The following PLD1 variants were observed in gnomAD, a reference collection of about 807,000 sequenced individuals.
The protein encoded by PLD1 is phospholipase D1.
A neutral mutation model predicts 137.1 loss-of-function variants in PLD1; 112 were observed. The observed-to-expected ratio is 0.82, with a 90% CI of 0.70 to 0.96. The LOEUF (loss-of-function observed/expected upper bound fraction) is 0.96. PLD1 is among the 40% of genes least tolerant of loss of function. PLD1 has a pLI of 0.00. For missense variants in PLD1, 1,321 were observed against 1,342.0 expected (o/e 0.98, Z 0.24); for synonymous variants, 431 against 454.7 (o/e 0.95, Z 0.66).
At position 171,708,772 on chromosome 3, in the gene PLD1, A is replaced by T; in HGVS notation, c.1128T>A (p.Ile376=). The part of the protein sequence containing the change: ...ANAMEEANEE[I]FITDWWLSPE... ...ATACTAACCACCAGTCTGTGATAAA[A>T]ATCTCTTCATTTGCCTCTTCCATTG... The change falls in exon 11 of 27, where the codon ATT becomes ATA. Residue 376 remains isoleucine (I), a synonymous_variant. Coordinates refer to ENST00000351298, the MANE Select transcript of PLD1 (RefSeq NM_002662.5). The T allele has an allele frequency of 1.3e-6, 2 of 1,596,896 alleles. No individual in the cohort carries two copies. The highest frequency in any genetic ancestry group is 1.7e-6 in the Non-Finnish European group (2 of 1,164,346).
chr3:171,738,821 G>A, intron 1 of PLD1, among the ~76,000 whole-genome samples: 1 of 152,108 alleles, frequency 6.6e-6, no homozygotes, highest in East Asian at 1.9e-4. Flanking sequence ...TCAGTACCCA[G>A]GGCAGAAGAG....
intron 6 of PLD1, among the ~76,000 whole-genome samples, chr3:171,730,341 C>G (rs1051145101): frequency 5.3e-5 from 8 of 151,872 alleles, no homozygotes; most frequent in Non-Finnish European, 8.8e-5. Context: ...GAACAAATCA[C>G]CAATGGTCTC....
intron 1 of PLD1, among the ~76,000 whole-genome samples, chr3:171,762,613 T>C (rs545743794): frequency 1.2e-4 from 19 of 152,262 alleles, no homozygotes; most frequent in Non-Finnish European, 2.6e-4. Context: ...GACAGGAATC[T>C]TGAAGACCAA....
chr3:171,757,862 G>T (rs545730104), intron 1 of PLD1, among the ~76,000 whole-genome samples: 1 of 152,276 alleles, frequency 6.6e-6, no homozygotes, highest in African/African-American at 2.4e-5. Flanking sequence ...TCAGCACATG[G>T]CTTTTACTTA....
intron 5 of PLD1, 28 bp downstream of exon 5, chr3:171,734,837 A>T: frequency 6.9e-7 from 1 of 1,444,006 alleles, no homozygotes; most frequent in Non-Finnish European, 9.7e-7. Context: ...AATTAGGTTT[A>T]AAACCACAGA....
chr3:171,724,880 C>T, intron 7 of PLD1, 92 bp from the exon 8 acceptor site: 1 of 786,416 alleles, frequency 1.3e-6, no homozygotes, highest in Non-Finnish European at 2.3e-6. Context: ...AATAAACCAT[C>T]TCATTCTCAC....
At chr3:171,687,694 T>C (rs544041869) in intron 14 of PLD1, 110 bp from the exon 15 acceptor site, 7 of 695,284 alleles carry the variant, frequency 1.0e-5, no homozygotes, top group South Asian at 5.7e-5. Flanking sequence ...GGAGGTTCTA[T>C]AACAGACATG....
At chr3:171,672,090 A>G (rs2108466665) in intron 19 of PLD1, among the ~76,000 whole-genome samples, 1 of 151,796 alleles carries the variant, frequency 6.6e-6, no homozygotes, top group Middle Eastern at 3.4e-3. Context: ...AAGCAGGACT[A>G]TTCCTTAGAG....
chr3:171,734,758 T>A (rs1719222591), intron 5 of PLD1, 107 bp downstream of exon 5: 1 of 655,814 alleles, frequency 1.5e-6, no homozygotes, highest in Non-Finnish European at 2.7e-6. Context: ...GATCAATGAG[T>A]GGATGAGAGG....
At chr3:171,683,163 T>A (rs1247984188) in intron 16 of PLD1, among the ~76,000 whole-genome samples, 2 of 152,000 alleles carry the variant, frequency 1.3e-5, no homozygotes, top group Non-Finnish European at 2.9e-5. Context: ...AGATTTGGAG[T>A]CCTCTCCATC....
At chr3:171,659,077 TCAATA>T in intron 21 of PLD1, 131 bp downstream of exon 21, 3 of 669,472 alleles carry the variant, frequency 4.5e-6, no homozygotes, top group Non-Finnish European at 8.1e-6. Flanking sequence ...ACTAAAGGCA[TCAATA>T]ACCTATTGCT....
chr3:171,720,322 G>C (rs1278966288), intron 8 of PLD1, among the ~76,000 whole-genome samples: 1 of 149,362 alleles, frequency 6.7e-6, no homozygotes, highest in Non-Finnish European at 1.5e-5. Flanking sequence ...AAGGCCGGGC[G>C]CGGTGGCTCA....
Position 171,764,874 on chromosome 3 carries a change from A to AG in PLD1, c.-31-26793dup, listed in dbSNP as rs1491189380. On this transcript the variant is annotated intron_variant, in intron 1 of 26. Transcript: ENST00000351298. ...AAGAAAGAAAGAAAGAAAGAAAGAA[A>AG]GAAAGAAAGAAAGAAAGAAAGGAAG... 6.5e-3 allele frequency among the ~76,000 whole-genome samples: 154 copies of AG among 23,766 alleles called. 13 individuals carry two copies. The highest frequency in any genetic ancestry group is 0.015 in the African/African-American group (88 of 5,726). 15.6% of individuals were successfully genotyped at this position (23,766 alleles called of 152,430 possible).
intron 1 of PLD1, among the ~76,000 whole-genome samples, chr3:171,772,537 A>G (rs1246420846): frequency 1.3e-5 from 2 of 152,012 alleles, no homozygotes; most frequent in Admixed American, 1.3e-4. Flanking sequence ...AGAGGATCTC[A>G]TGGGGTCACC....
chr3:171,705,513 C>T (rs1716611532), intron 11 of PLD1, among the ~76,000 whole-genome samples: 1 of 152,036 alleles, frequency 6.6e-6, no homozygotes, highest in Non-Finnish European at 1.5e-5. Context: ...GTACAAATAC[C>T]TCCTACAACT....
At chr3:171,780,763 A>G (rs77598242) in intron 1 of PLD1, among the ~76,000 whole-genome samples, 3,850 of 152,306 alleles carry the variant, frequency 0.025, 152 homozygotes, top group African/African-American at 0.088. Flanking sequence ...GCAAAAGCCT[A>G]AAAAGTGGGC....
intron 23 of PLD1, among the ~76,000 whole-genome samples, chr3:171,629,320 T>TC (rs1163119364): frequency 1.3e-5 from 2 of 151,662 alleles, no homozygotes. Context: ...GTGAAGGACC[T>TC]CTTCAAGGAG....
At chr3:171,751,975 C>A (rs1366254730) in intron 1 of PLD1, among the ~76,000 whole-genome samples, 2 of 151,072 alleles carry the variant, frequency 1.3e-5, no homozygotes, top group Non-Finnish European at 2.9e-5. Flanking sequence ...TGTACTCCAG[C>A]CTGGGCGACA....
At chr3:171,620,133 T>A (rs1306968451) in intron 24 of PLD1, among the ~76,000 whole-genome samples, 1 of 152,224 alleles carries the variant, frequency 6.6e-6, no homozygotes, top group Non-Finnish European at 1.5e-5. Context: ...ATGTGATTGT[T>A]ATACATTGTA....
Sources: allele counts gnomAD v4.1 joint callset (sites outside exome capture counted in the v4.1 genomes callset), GRCh38; gene constraint gnomAD v4.1.1; transcripts MANE v1.5; gene names NCBI Gene and HGNC (gene_info 2026-07-23, HGNC 2026-07-21).